The following GALNS variants were observed in gnomAD, a reference collection of about 807,000 sequenced individuals.
GALNS encodes the protein N-acetylgalactosamine-6-sulfatase.
Under a neutral mutation model 65.9 loss-of-function variants are expected in GALNS, and 65 were observed. That is an observed-to-expected ratio of 0.99 (90% CI 0.81 to 1.21). The LOEUF (loss-of-function observed/expected upper bound fraction) is 1.21, where lower values mean the gene tolerates loss of function less well. Ranked by LOEUF, GALNS falls within the 50% of genes most tolerant of loss-of-function variation. The probability of loss-of-function intolerance (pLI) is 0.00; values close to 1 mark genes in which losing one functional copy is unlikely to be tolerated. For synonymous variants in GALNS, 346 were observed against 288.9 expected, an observed-to-expected ratio of 1.20 and a Z score of -2.00; for missense variants, 776 against 700.7, an observed-to-expected ratio of 1.11 and a Z score of -1.21.
rs1189254366 is a variant in GALNS at position 88,845,460 on chromosome 16, A to G, written c.121-2631T>C. 3 of 149,244 alleles carry G rather than the reference A, an allele frequency of 2.0e-5. No individual in the cohort carries two copies. In the East Asian group the frequency reaches 6.2e-4, roughly 31 times the overall value. The allele number at this position is 149,244 out of a possible 1,614,324, so 9.2% of individuals were successfully genotyped here. The stretch of plus-strand genomic sequence containing the variant: ...TGCAGCTACCCTATCTTAAAAGGCA[A>G]TCATGGGGCTGGGTGCGGTGGCTCA... On this transcript the variant is annotated intron_variant, in intron 1 of 13. Transcript: ENST00000268695.
At chr16:88,828,854 GCTC>G (rs369356824) in intron 9 of GALNS, among the ~76,000 whole-genome samples, 35 of 152,300 alleles carry the variant, frequency 2.3e-4, no homozygotes, top group African/African-American at 8.4e-4. Context: ...GCCACGGGTG[GCTC>G]CCAGCCTGGG....
rs149750105 is a variant in GALNS at position 88,841,910 on chromosome 16, G to A, written c.306C>T (p.Ala102=). 64 of 1,613,242 alleles carry A rather than the reference G, an allele frequency of 4.0e-5. No homozygotes were observed. The highest frequency in any genetic ancestry group is 3.3e-4 in the Middle Eastern group (2 of 6,082). The change falls in exon 3 of 14, where the codon GCC becomes GCT. Residue 102 remains alanine (A), a synonymous_variant. Coordinates refer to ENST00000268695, the MANE Select transcript of GALNS (RefSeq NM_000512.5). ...PIRNGFYTTN[A]HARNAYTPQE... is the part of the protein sequence containing the mutation. ...TGGGCAGCCTACCGTTTCTGGCATG[G>A]GCGTTGGTGGTGTAGAAGCCATTGC...
intron 1 of GALNS, among the ~76,000 whole-genome samples, chr16:88,845,910 G>A (rs1022428244): frequency 7.9e-5 from 12 of 151,204 alleles, no homozygotes; most frequent in Admixed American, 7.9e-4. Context: ...ATCACTTGAG[G>A]CCAGGAGGTT....
rs1322646273 is a variant in GALNS at position 88,814,645 on chromosome 16, G to C, written c.1483-120C>G. The C allele has an allele frequency of 6.0e-6, 9 of 1,492,710 alleles. No individual in the cohort carries two copies. The African/African-American group carries it at 1.1e-4, about 18-fold the overall frequency. The allele number at this position is 1,492,710 out of a possible 1,614,324, so 92.5% of individuals were successfully genotyped here. A position where few individuals can be genotyped will look rare whatever the true frequency, so the allele number is the denominator to read the frequency against. On this transcript the variant is annotated intron_variant, in intron 13 of 13. Transcript: ENST00000268695. ...GTCTCACTCTGTCACCCAGGCTGGA[G>C]TTCAGTGGCGCGATCTTGGCTCACT...
intron 9 of GALNS, 56 bp from the exon 10 acceptor site, chr16:88,826,894 G>T: frequency 6.5e-7 from 1 of 1,547,942 alleles, no homozygotes; most frequent in South Asian, 1.2e-5. Flanking sequence ...CGATGGGGCT[G>T]GGGGCCAATC....
At chr16:88,828,622 T>C (rs922346554) in intron 9 of GALNS, among the ~76,000 whole-genome samples, 4 of 152,164 alleles carry the variant, frequency 2.6e-5, no homozygotes, top group African/African-American at 9.7e-5. Context: ...GGGAAGAGGG[T>C]TTCCCTTCCT....
At chr16:88,846,922 AG>A (rs1804428521) in intron 1 of GALNS, among the ~76,000 whole-genome samples, 1 of 152,022 alleles carries the variant, frequency 6.6e-6, no homozygotes, top group Non-Finnish European at 1.5e-5. Context: ...GGGTGTGGCC[AG>A]GGGGTTACTG....
At chr16:88,834,366 G>A (rs1241635411) in intron 8 of GALNS, among the ~76,000 whole-genome samples, 2 of 132,994 alleles carry the variant, frequency 1.5e-5, no homozygotes, top group Non-Finnish European at 3.2e-5. Context: ...GCCCCCCCCC[G>A]CGTGGTCTGG....
chr16:88,819,989 G>C (rs1012075045), intron 12 of GALNS, among the ~76,000 whole-genome samples: 2 of 152,076 alleles, frequency 1.3e-5, no homozygotes, highest in African/African-American at 4.8e-5. Context: ...ACTGTGCCCG[G>C]CCTTAATTTT....
intron 1 of GALNS, among the ~76,000 whole-genome samples, chr16:88,847,148 C>G (rs77607431): frequency 0.011 from 1,681 of 152,184 alleles, 30 homozygotes; most frequent in African/African-American, 0.038. Flanking sequence ...TTTTAAGTCT[C>G]TGAAATACTT....
At chr16:88,830,487 C>A (rs560264776) in intron 9 of GALNS, among the ~76,000 whole-genome samples, 28 of 107,900 alleles carry the variant, frequency 2.6e-4, no homozygotes, top group African/African-American at 1.5e-3. Flanking sequence ...CACTGGGAGC[C>A]CCCCCCATCC....
intron 1 of GALNS, among the ~76,000 whole-genome samples, chr16:88,854,179 A>G (rs1967646082): frequency 6.6e-6 from 1 of 152,212 alleles, no homozygotes; most frequent in African/African-American, 2.4e-5. Context: ...TGCTGGGCCC[A>G]GAGCTGTGGG....
At chr16:88,835,679 G>C in intron 7 of GALNS, 46 bp downstream of exon 7, 1 of 1,612,532 alleles carries the variant, frequency 6.2e-7, no homozygotes, top group Non-Finnish European at 8.5e-7. Context: ...GTCAAGCACA[G>C]CTGGGGCCTC....
In GALNS at chr16:88,822,714, C is replaced by A. The variant is rs1910366713; in HGVS notation, c.1243-4G>T. 3 of 1,611,858 alleles carry A rather than the reference C, an allele frequency of 1.9e-6. No individual in the cohort carries two copies. Among genetic ancestry groups the A allele is most frequent in the Non-Finnish European group, 2.5e-6 (3 of 1,179,220 alleles). ...GCCCAGGGCAGAAATCAATGCCCTG[C>A]AATGAGAAGAGGGAAGGTGTGTCCT... On this transcript the variant is annotated splice_polypyrimidine_tract_variant and splice_region_variant and intron_variant, in intron 11 of 13. Coordinates refer to ENST00000268695, the MANE Select transcript of GALNS (RefSeq NM_000512.5).
chr16:88,824,940 T>C, intron 10 of GALNS, 71 bp from the exon 11 acceptor site: 2 of 1,243,670 alleles, frequency 1.6e-6, no homozygotes, highest in South Asian at 2.4e-5. Context: ...GGCTCTGGGC[T>C]GCGTCTGTCA....
intron 12 of GALNS, among the ~76,000 whole-genome samples, chr16:88,818,976 G>A (rs907448318): frequency 1.3e-5 from 2 of 152,256 alleles, no homozygotes; most frequent in Non-Finnish European, 2.9e-5. Flanking sequence ...AGCTAGAGAC[G>A]GGGTTACCAG....
chr16:88,839,373 A>G (rs553985163), intron 4 of GALNS, among the ~76,000 whole-genome samples: 3 of 152,390 alleles, frequency 2.0e-5, no homozygotes, highest in Non-Finnish European at 4.4e-5. Flanking sequence ...GGGGAAGCAC[A>G]TGGGCAGGAC....
intron 1 of GALNS, among the ~76,000 whole-genome samples, chr16:88,854,763 C>A (rs866520124): frequency 6.6e-6 from 1 of 152,268 alleles, no homozygotes. Context: ...GCCAGGCGGC[C>A]CTGGTCTGTC....
chr16:88,827,634 C>T (rs1911070408), intron 9 of GALNS, among the ~76,000 whole-genome samples: 3 of 152,204 alleles, frequency 2.0e-5, no homozygotes, highest in East Asian at 1.9e-4. Flanking sequence ...TTAGTAGAGA[C>T]GGGGTTTCTC....
Sources: gnomAD v4.1 joint callset for allele counts (sites outside exome capture counted in the v4.1 genomes callset) on GRCh38, gnomAD v4.1.1 for gene constraint, MANE v1.5 for transcripts, NCBI Gene and HGNC (gene_info 2026-07-23, HGNC 2026-07-21) for gene names.